Variants in CAMKK2 observed in about 807,000 individuals in gnomAD.
CAMKK2 encodes calcium/calmodulin dependent protein kinase kinase 2.
Under a neutral mutation model 67.2 loss-of-function variants are expected in CAMKK2, and 30 were observed. The observed-to-expected ratio is 0.45, with a 90% CI of 0.33 to 0.61. The LOEUF is 0.61. CAMKK2 is among the 20% of genes least tolerant of loss of function. CAMKK2 has a pLI of 0.02. For missense variants in CAMKK2, 643 were observed against 802.0 expected (o/e 0.80, Z 2.39); for synonymous variants, 322 against 326.2 (o/e 0.99, Z 0.14).
At chr12:121,268,083 C>CATATATATATATATATATATGT (rs71850101) in intron 5 of CAMKK2, among the ~76,000 whole-genome samples, 1 of 96,970 alleles carries the variant, frequency 1.0e-5, no homozygotes, top group African/African-American at 4.4e-5. Context: ...CCATTGGATG[C>CATATATATATATATATATATGT]ATATATATAT....
At chr12:121,297,159 CAGCGCTTGCTTTGTTT>C (rs1193560513), upstream of CAMKK2, 1 of 154,162 alleles carries the variant, frequency 6.5e-6, no homozygotes, top group East Asian at 1.9e-4. Flanking sequence ...GCCGCGCCGG[CAGCGCTTGCTTTGTTT>C]AGCCAAATGC....
At chr12:121,280,643 TA>T (rs1897599883) in intron 1 of CAMKK2, among the ~76,000 whole-genome samples, 1 of 152,170 alleles carries the variant, frequency 6.6e-6, no homozygotes, top group Non-Finnish European at 1.5e-5. Context: ...AATGCGTACC[TA>T]GGGGTAGGTC....
chr12:121,290,709 C>T (rs1308697032), intron 1 of CAMKK2, among the ~76,000 whole-genome samples: 2 of 152,084 alleles, frequency 1.3e-5, no homozygotes, highest in African/African-American at 4.8e-5. Flanking sequence ...AAAAAATCAT[C>T]GTAACTGAAA....
At chr12:121,262,366 G>C (rs1022908663) in intron 6 of CAMKK2, among the ~76,000 whole-genome samples, 13 of 152,056 alleles carry the variant, frequency 8.5e-5, no homozygotes, top group African/African-American at 2.7e-4. Flanking sequence ...CAAAAAATTA[G>C]CCAGGCGTGG....
intron 16 of CAMKK2, 129 bp downstream of exon 16, chr12:121,244,444 G>A: frequency 1.1e-6 from 1 of 893,404 alleles, no homozygotes; most frequent in Non-Finnish European, 1.7e-6. Flanking sequence ...GGCCCGCGGT[G>A]AGCCGGGCCA....
At chr12:121,241,447 G>T (rs531490047) in intron 16 of CAMKK2, among the ~76,000 whole-genome samples, 1 of 152,332 alleles carries the variant, frequency 6.6e-6, no homozygotes, top group South Asian at 2.1e-4. Context: ...ACCTCAGACA[G>T]AAGAGGAGGC....
At position 121,285,163 on chromosome 12, in the gene CAMKK2, C is replaced by A. The variant is rs1239678850; in HGVS notation, c.-59-10578G>T. Among the ~76,000 whole-genome samples, 1 of 152,194 alleles carries A rather than the reference C, an allele frequency of 6.6e-6. No individual in the cohort carries two copies. Among genetic ancestry groups the A allele is most frequent in the African/African-American group, 2.4e-5 (1 of 41,456 alleles). ...TTCAGAGATTTGCATGTGACTCAAG[C>A]CTGGCCAGCTGGCTATCAATTGCTC... On this transcript the variant is annotated intron_variant, in intron 1 of 16. Coordinates refer to ENST00000404169, the MANE Select transcript of CAMKK2 (RefSeq NM_001270485.2). The surrounding 1 kb of genome is among the most constrained non-coding windows in gnomAD (Gnocchi z 4.1).
chr12:121,279,379 A>G (rs1897330337), intron 1 of CAMKK2, among the ~76,000 whole-genome samples: 1 of 152,228 alleles, frequency 6.6e-6, no homozygotes, highest in Non-Finnish European at 1.5e-5. Flanking sequence ...AGACACCTAG[A>G]GTCTAGGCCA....
chr12:121,260,310 C>T lies in CAMKK2; in HGVS notation c.796+9G>A. The T allele has an allele frequency of 6.2e-7, 1 of 1,603,102 alleles. No individual in the cohort carries two copies. Among genetic ancestry groups the T allele is most frequent in the Non-Finnish European group, 8.5e-7 (1 of 1,176,324 alleles). ...GGGTGAGGGTGGCAGAAGAAAAGGGCTTCCTTACCCATGTACAGATGGTCC... is the reference window on the plus strand; with the variant it reads ...GGGTGAGGGTGGCAGAAGAAAAGGGTTTCCTTACCCATGTACAGATGGTCC... On this transcript the variant is annotated intron_variant, in intron 7 of 16. Coordinates refer to ENST00000404169, the MANE Select transcript of CAMKK2 (RefSeq NM_001270485.2).
chr12:121,276,159 CAA>C (rs373596430), intron 1 of CAMKK2, among the ~76,000 whole-genome samples: 31 of 120,692 alleles, frequency 2.6e-4, no homozygotes, highest in Non-Finnish European at 2.9e-4. Context: ...GACTCCATCT[CAA>C]AAAAAAAAAA....
intron 14 of CAMKK2, among the ~76,000 whole-genome samples, chr12:121,246,261 G>C (rs1889438638): frequency 1.3e-5 from 2 of 149,898 alleles, no homozygotes; most frequent in African/African-American, 2.4e-5. Context: ...AGCGGGGGGG[G>C]GGAGGCGGGC....
intron 6 of CAMKK2, among the ~76,000 whole-genome samples, chr12:121,260,707 C>T (rs1893268282): frequency 6.6e-6 from 1 of 152,260 alleles, no homozygotes; most frequent in South Asian, 2.1e-4. Context: ...AATCCCAGCA[C>T]TTTGGGAGGC....
chr12:121,274,805 C>CTTTT (rs140150523), intron 1 of CAMKK2, among the ~76,000 whole-genome samples: 3 of 132,920 alleles, frequency 2.3e-5, no homozygotes, highest in Non-Finnish European at 3.1e-5. Flanking sequence ...CTTTTTTTTT[C>CTTTT]TTTTTTTTTT....
rs1348621769 is a variant in CAMKK2 at position 121,237,755 on chromosome 12, A to G, written c.*2944T>C. 6.6e-6 allele frequency: 1 copy of G among 152,590 alleles called. No homozygotes were observed. The highest frequency in any genetic ancestry group is 1.5e-5 in the Non-Finnish European group (1 of 68,052). The allele number at this position is 152,590 out of a possible 1,614,324, so 9.5% of individuals were successfully genotyped here. A position where few individuals can be genotyped will look rare whatever the true frequency, so the allele number is the denominator to read the frequency against. ...GAGAAGCTTAAACACCTGTGGAAAAACACGAAAGGCTTAGTTGTCTCTTAA... is the reference window on the plus strand; with the variant it reads ...GAGAAGCTTAAACACCTGTGGAAAAGCACGAAAGGCTTAGTTGTCTCTTAA... On this transcript the variant is annotated 3_prime_UTR_variant, in exon 17 of 17. Coordinates refer to ENST00000404169, the MANE Select transcript of CAMKK2 (RefSeq NM_001270485.2). The surrounding 1 kb of genome is among the most constrained non-coding windows in gnomAD (Gnocchi z 4.5).
At position 121,269,595 on chromosome 12, in the gene CAMKK2, G is replaced by C. The variant is rs1177746494; in HGVS notation, c.520-14C>G. On this transcript the variant is annotated splice_polypyrimidine_tract_variant and intron_variant, in intron 3 of 16. Coordinates refer to ENST00000404169, the MANE Select transcript of CAMKK2 (RefSeq NM_001270485.2). ...ACCATAGGAGCCCTGGATAAAGGGAGATGCCCATGACATACTATCCAGAAG... is the reference window on the plus strand; with the variant it reads ...ACCATAGGAGCCCTGGATAAAGGGACATGCCCATGACATACTATCCAGAAG... 1 of 1,599,118 alleles carries C rather than the reference G, an allele frequency of 6.3e-7. No homozygotes were observed. Among genetic ancestry groups the C allele is most frequent in the Non-Finnish European group, 8.5e-7 (1 of 1,170,134 alleles).
At chr12:121,286,691 G>A (rs367664885) in intron 1 of CAMKK2, among the ~76,000 whole-genome samples, 3 of 151,852 alleles carry the variant, frequency 2.0e-5, no homozygotes, top group Admixed American at 6.6e-5. Context: ...CTACAGGTGC[G>A]CACCACTACG....
At position 121,285,428 on chromosome 12, in the gene CAMKK2, G is replaced by A. The variant is rs1037000310; in HGVS notation, c.-59-10843C>T. ...TGAGGCACGAGAATCACTTGAACCC[G>A]GGAGGGGGAGGTTGCAGTGAGCCAA... On this transcript the variant is annotated intron_variant, in intron 1 of 16. Transcript: ENST00000404169. This position sits in a 1 kb window ranked among gnomAD's most constrained non-coding sequence, Gnocchi z 4.1. Among the ~76,000 whole-genome samples the A allele has an allele frequency of 3.9e-5, 6 of 152,232 alleles. No individual in the cohort carries two copies. In the East Asian group the frequency reaches 5.8e-4, roughly 15 times the overall value.
At chr12:121,261,340 G>A (rs555681196) in intron 6 of CAMKK2, among the ~76,000 whole-genome samples, 1 of 152,284 alleles carries the variant, frequency 6.6e-6, no homozygotes, top group East Asian at 1.9e-4. Flanking sequence ...AAATGCCCTT[G>A]GGCTTCCTGG....
chr12:121,248,060 C>A (rs913026958), intron 14 of CAMKK2, among the ~76,000 whole-genome samples: 1 of 152,198 alleles, frequency 6.6e-6, no homozygotes, highest in African/African-American at 2.4e-5. Flanking sequence ...GGCCTGAGGA[C>A]TCTACATTCT....
Sources: gnomAD v4.1 joint callset for allele counts (sites outside exome capture counted in the v4.1 genomes callset) on GRCh38, gnomAD v4.1.1 for gene constraint, Gnocchi (gnomAD v3.1) non-coding constraint, MANE v1.5 for transcripts, NCBI Gene and HGNC (gene_info 2026-07-23, HGNC 2026-07-21) for gene names.